Variants in GFRA2 observed in about 807,000 individuals in gnomAD.
GFRA2 encodes the protein GDNF family receptor alpha 2.
Under a neutral mutation model 48.3 loss-of-function variants are expected in GFRA2, and 17 were observed. The observed-to-expected ratio is 0.35, with a 90% CI of 0.24 to 0.53. GFRA2 has a LOEUF of 0.53. GFRA2 is among the 20% of genes least tolerant of loss of function. The probability of loss-of-function intolerance (pLI) is 0.93; values close to 1 mark genes in which losing one functional copy is unlikely to be tolerated. For synonymous variants in GFRA2, 305 were observed against 257.2 expected (o/e 1.19, Z -1.78); for missense variants, 660 against 637.3 (o/e 1.04, Z -0.38).
At chr8:21,784,600 G>T (rs750966877) in intron 1 of GFRA2, among the ~76,000 whole-genome samples, 48 of 152,196 alleles carry the variant, frequency 3.2e-4, no homozygotes, top group Non-Finnish European at 6.0e-4. Context: ...TCCACTCCCG[G>T]TGGGACCAGC....
intron 6 of GFRA2, among the ~76,000 whole-genome samples, chr8:21,704,595 T>C (rs1802646942): frequency 6.6e-6 from 1 of 152,194 alleles, no homozygotes; most frequent in African/African-American, 2.4e-5. Context: ...CTCTGGCTTC[T>C]GGGTTAGGAG....
In GFRA2 at chr8:21,693,079, G is replaced by GCTGC. The variant is rs1801949834; in HGVS notation, c.*195_*198dup. On this transcript the variant is annotated 3_prime_UTR_variant, in exon 9 of 9. Transcript: ENST00000524240. ...AGGGGACCCCTGGGCCAGCTCTCAG[G>GCTGC]CTGCCTGCCTGCTTGTCTGTTTGGT... 2.3e-6 allele frequency: 1 copy of GCTGC among 427,976 alleles called. No homozygotes were observed. The highest frequency in any genetic ancestry group is 4.1e-6 in the Non-Finnish European group (1 of 246,848). The allele number at this position is 427,976 out of a possible 1,614,324, so 26.5% of individuals were successfully genotyped here.
chr8:21,811,175 G>C (rs949386549), intron 1 of GFRA2, among the ~76,000 whole-genome samples: 1 of 152,172 alleles, frequency 6.6e-6, no homozygotes, highest in Non-Finnish European at 1.5e-5. Context: ...TAGGGCCCCT[G>C]TGGAGGCCCA....
intron 2 of GFRA2, among the ~76,000 whole-genome samples, chr8:21,798,599 AG>A (rs1168845526): frequency 6.6e-6 from 1 of 152,196 alleles, no homozygotes; most frequent in African/African-American, 2.4e-5. Flanking sequence ...ACAAGGGACA[AG>A]GATGATCAAA....
rs375495569 is a variant in GFRA2, at chr8:21,773,346, G to A, written c.439+1626C>T. Among the ~76,000 whole-genome samples, 653 of 152,224 alleles carry A rather than the reference G, an allele frequency of 4.3e-3. 10 individuals are homozygous for A. In the East Asian group the frequency reaches 0.047, roughly 11 times the overall value. On this transcript the variant is annotated intron_variant, in intron 3 of 8. Coordinates refer to ENST00000524240, the MANE Select transcript of GFRA2 (RefSeq NM_001495.5). Reference sequence around the variant, plus strand: ...CAACACAGCTGACTTTGAGGTCTCCGCTCCATTCACCACCACCCCAACCAC... The same window carrying A: ...CAACACAGCTGACTTTGAGGTCTCCACTCCATTCACCACCACCCCAACCAC...
At chr8:21,714,127 C>G (rs988329919) in intron 4 of GFRA2, among the ~76,000 whole-genome samples, 1 of 152,102 alleles carries the variant, frequency 6.6e-6, no homozygotes, top group Non-Finnish European at 1.5e-5. Context: ...AAAACCTCCC[C>G]TGGTCCAGGC....
chr8:21,782,816 G>C lies in GFRA2; in HGVS notation c.124C>G (p.Arg42Gly). 1.3e-6 allele frequency: 2 copies of C among 1,575,732 alleles called. No individual in the cohort carries two copies. Among genetic ancestry groups the C allele is most frequent in the Non-Finnish European group, 8.6e-7 (1 of 1,166,696 alleles). Residue 42 changes from arginine to glycine, a missense_variant, in exon 2 of 9, where the codon CGG becomes GGG. By Grantham distance (125) the Arg-to-Gly change is moderately radical. Transcript: ENST00000524240. ...TCGGCGGCACACAGCTCATTGGCCC[G>C]GACACAGTCCACTGGGGGGCGCCAG... ...HGWRPPVDCV[R>G]ANELCAAESN...
chr8:21,725,017 A>C (rs1040440070), intron 4 of GFRA2, among the ~76,000 whole-genome samples: 7 of 152,024 alleles, frequency 4.6e-5, no homozygotes, highest in African/African-American at 1.7e-4. Flanking sequence ...CCTTCCTCCT[A>C]CTCACCTCAC....
chr8:21,804,437 CAA>C (rs35138948), intron 2 of GFRA2, among the ~76,000 whole-genome samples: 3 of 80,534 alleles, frequency 3.7e-5, no homozygotes, highest in African/African-American at 8.5e-5. Flanking sequence ...AAAAAAAAAA[CAA>C]AAAAAAAACA....
At chr8:21,734,843 C>CT (rs1804370797) in intron 4 of GFRA2, among the ~76,000 whole-genome samples, 1 of 152,216 alleles carries the variant, frequency 6.6e-6, no homozygotes, top group Admixed American at 6.5e-5. Flanking sequence ...AGGAAAATAT[C>CT]TTGGCCTCCA....
intron 3 of GFRA2, among the ~76,000 whole-genome samples, chr8:21,772,987 G>A (rs947908892): frequency 3.6e-4 from 55 of 152,324 alleles, no homozygotes; most frequent in African/African-American, 1.1e-3. Flanking sequence ...TTCACACAGA[G>A]TAGAATGTGG....
chr8:21,746,915 G>A (rs1345213443), intron 4 of GFRA2, among the ~76,000 whole-genome samples: 10 of 152,132 alleles, frequency 6.6e-5, no homozygotes, highest in Non-Finnish European at 1.3e-4. Context: ...CTGCAGGCCT[G>A]GTAGGAGCTG....
At chr8:21,719,121 A>G (rs1585250953) in intron 4 of GFRA2, among the ~76,000 whole-genome samples, 1 of 152,066 alleles carries the variant, frequency 6.6e-6, no homozygotes, top group Admixed American at 6.5e-5. Flanking sequence ...CTGTGGCTGG[A>G]GCACTGAACC....
chr8:21,747,756 CCACACA>C (rs61578379), intron 4 of GFRA2, among the ~76,000 whole-genome samples: 4,995 of 139,086 alleles, frequency 0.036, 88 homozygotes, highest in Non-Finnish European at 0.043. Flanking sequence ...CCATCTTCCA[CCACACA>C]CACACACACA....
At position 21,728,915 on chromosome 8, in the gene GFRA2, G is replaced by A. The variant is rs527917260; in HGVS notation, c.794+21673C>T. ...GGTCACCTTAGTACTACTGGATGGA[G>A]GGGGTAGTTCTCCTCTGCAGCCTTG... On this transcript the variant is annotated intron_variant, in intron 4 of 8. Coordinates refer to ENST00000524240, the MANE Select transcript of GFRA2 (RefSeq NM_001495.5). Among the ~76,000 whole-genome samples, 12 of 152,354 alleles carry A rather than the reference G, an allele frequency of 7.9e-5. No individual in the cohort carries two copies. In the South Asian group the frequency reaches 2.5e-3, roughly 32 times the overall value.
Position 21,788,772 on chromosome 8 carries a change from G to C in GFRA2, c.-613C>G. The C allele has an allele frequency of 1.0e-6, 1 of 985,364 alleles. No homozygotes were observed. The highest frequency in any genetic ancestry group is 1.2e-6 in the Non-Finnish European group (1 of 829,944). 61.0% of individuals were successfully genotyped at this position (985,364 alleles called of 1,614,324 possible). A position where few individuals can be genotyped will look rare whatever the true frequency, so the allele number is the denominator to read the frequency against. On this transcript the variant is annotated 5_prime_UTR_variant, in exon 1 of 9. Coordinates refer to ENST00000524240, the MANE Select transcript of GFRA2 (RefSeq NM_001495.5). ...TTGCTCGGCTCACTTTTTTCTAATG[G>C]AATTCCAGTGACCGTGTGTCTCTGC... is the stretch of plus-strand genomic sequence containing the variant.
Position 21,795,048 on chromosome 8 carries a change from G to A in GFRA2, c.-35-6854C>T, listed in dbSNP as rs113635273. ...TTACCCAGCTTCTCCCCAGGGCCTCGCAGACCTCTCTGCAGCCCCACCCAT... is the reference window on the plus strand; with the variant it reads ...TTACCCAGCTTCTCCCCAGGGCCTCACAGACCTCTCTGCAGCCCCACCCAT... On this transcript the variant is annotated intron_variant, in intron 2 of 10. Coordinates refer to the GFRA2 transcript ENST00000517328. 8.8e-3 allele frequency among the ~76,000 whole-genome samples: 1,341 copies of A among 152,310 alleles called. 5 individuals are homozygous for A. The highest frequency in any genetic ancestry group is 0.015 in the Non-Finnish European group (1,014 of 68,028).
At chr8:21,786,944 G>C (rs1234584389) in intron 1 of GFRA2, among the ~76,000 whole-genome samples, 2 of 151,996 alleles carry the variant, frequency 1.3e-5, no homozygotes, top group African/African-American at 4.8e-5. Flanking sequence ...AAGCCAAGGT[G>C]GTAGAACTAC....
intron 1 of GFRA2, among the ~76,000 whole-genome samples, chr8:21,784,601 T>G (rs1359951282): frequency 6.6e-6 from 1 of 151,828 alleles, no homozygotes; most frequent in Non-Finnish European, 1.5e-5. Context: ...CCACTCCCGG[T>G]GGGACCAGCC....
Sources: gnomAD v4.1 joint callset for allele counts (sites outside exome capture counted in the v4.1 genomes callset) on GRCh38, gnomAD v4.1.1 for gene constraint, MANE v1.5 for transcripts, NCBI Gene and HGNC (gene_info 2026-07-23, HGNC 2026-07-21) for gene names.